Variants in ADCY3 observed in about 807,000 individuals in gnomAD.
ADCY3 encodes the protein adenylate cyclase 3.
Under a neutral mutation model 119.4 loss-of-function variants are expected in ADCY3, and 70 were observed. The ratio of observed to expected loss-of-function variants is 0.59; its 90% confidence interval spans 0.48 to 0.72. ADCY3 has a LOEUF of 0.72. ADCY3 is among the 30% of genes least tolerant of loss of function. The pLI is 0.00. For missense variants in ADCY3, 1,238 were observed against 1,541.6 expected (o/e 0.80, Z 3.30); for synonymous variants, 672 against 621.4 (o/e 1.08, Z -1.21).
intron 3 of ADCY3, among the ~76,000 whole-genome samples, chr2:24,859,277 G>C (rs555781133): frequency 2.6e-5 from 4 of 152,306 alleles, no homozygotes; most frequent in African/African-American, 7.2e-5. Context: ...CAACGAGCAA[G>C]ACGCAGAGCA....
Position 24,918,209 on chromosome 2 carries a change from A to G in ADCY3, c.675+104T>C. 1 of 1,309,628 alleles carries G rather than the reference A, an allele frequency of 7.6e-7. No homozygotes were observed. 81.1% of individuals were successfully genotyped at this position (1,309,628 alleles called of 1,614,324 possible). On this transcript the variant is annotated intron_variant, in intron 2 of 21. Coordinates refer to ENST00000679454, the MANE Select transcript of ADCY3 (RefSeq NM_004036.5). The surrounding 1 kb of genome is among the most constrained non-coding windows in gnomAD (Gnocchi z 5.4). ...GGTGAGAGCCCCGGAGGCCCCCAGG[A>G]CACATTTTGACTCAAAGGCAAAGCA... is the stretch of plus-strand genomic sequence containing the variant.
chr2:24,820,951 AAC>A, intron 20 of ADCY3, 103 bp from the exon 21 acceptor site: 1 of 1,486,148 alleles, frequency 6.7e-7, no homozygotes. Flanking sequence ...CTCCTAATGT[AAC>A]ACATCATTGT....
At chr2:24,885,548 G>A (rs1243767712) in intron 2 of ADCY3, among the ~76,000 whole-genome samples, 1 of 152,158 alleles carries the variant, frequency 6.6e-6, no homozygotes, top group African/African-American at 2.4e-5. Context: ...TGTGCCTCCA[G>A]CAGGTCCTTC....
intron 2 of ADCY3, among the ~76,000 whole-genome samples, chr2:24,875,673 C>A (rs77100173): frequency 0.064 from 9,689 of 152,264 alleles, 421 homozygotes; most frequent in Non-Finnish European, 0.094. Context: ...GGGGAGTCCC[C>A]CTCCCGGCCT....
At chr2:24,838,410 TGGGTGGGGTGGGTG>T (rs747664970) in intron 8 of ADCY3, 21 bp downstream of exon 8, 188 of 464,976 alleles carry the variant, frequency 4.0e-4, no homozygotes, top group South Asian at 1.8e-3. Flanking sequence ...AGGGGTGGGG[TGGGTGGGGTGGGTG>T]GGGTGGGGTG....
At chr2:24,862,963 G>C (rs1410294478) in intron 3 of ADCY3, among the ~76,000 whole-genome samples, 1 of 152,124 alleles carries the variant, frequency 6.6e-6, no homozygotes, top group South Asian at 2.1e-4. Flanking sequence ...CCATAGGAGA[G>C]GGGCAGAGAC....
rs1675211566 is a variant in ADCY3 at position 24,872,929 on chromosome 2, G to C, written c.676-210C>G. Among the ~76,000 whole-genome samples, 1 of 152,200 alleles carries C rather than the reference G, an allele frequency of 6.6e-6. No homozygotes were observed. The highest frequency in any genetic ancestry group is 2.4e-5 in the African/African-American group (1 of 41,448). On this transcript the variant is annotated intron_variant, in intron 2 of 21. Transcript: ENST00000679454. The surrounding 1 kb of genome is among the most constrained non-coding windows in gnomAD (Gnocchi z 4.4). ...CCACGGATGGGTGGTCCACCCAGGGGCATGGCTCAAGGCCTGAAAGGCTCA... is the reference window on the plus strand; with the variant it reads ...CCACGGATGGGTGGTCCACCCAGGGCCATGGCTCAAGGCCTGAAAGGCTCA...
At chr2:24,914,694 G>A (rs1664229943) in intron 2 of ADCY3, among the ~76,000 whole-genome samples, 1 of 146,804 alleles carries the variant, frequency 6.8e-6, no homozygotes, top group African/African-American at 2.6e-5. Flanking sequence ...AAAAAAAAAG[G>A]AATGGGGGAC....
At position 24,899,938 on chromosome 2, in the gene ADCY3, T is replaced by C. The variant is rs1281058593; in HGVS notation, c.675+18375A>G. Among the ~76,000 whole-genome samples the C allele has an allele frequency of 2.6e-5, 4 of 152,116 alleles. No homozygotes were observed. The highest frequency in any genetic ancestry group is 7.2e-5 in the African/African-American group (3 of 41,438). On this transcript the variant is annotated intron_variant, in intron 2 of 21. Transcript: ENST00000679454. This position sits in a 1 kb window ranked among gnomAD's most constrained non-coding sequence, Gnocchi z 4.5. The stretch of plus-strand genomic sequence containing the variant: ...ATTTTCTTACAATAGTGCTTCATAA[T>C]ATAGAAGAAAACTGATATTCGTTTA...
In ADCY3 at chr2:24,828,073, T is replaced by C. The variant is rs1460650172; in HGVS notation, c.2261A>G (p.Tyr754Cys). The C allele has an allele frequency of 9.3e-6, 15 of 1,614,098 alleles. No homozygotes were observed. Among genetic ancestry groups the C allele is most frequent in the African/African-American group, 1.3e-5 (1 of 74,928 alleles). ...EGSCLENPKY[Y>C]NYVAVLSLIA... ...GAGGGACAGCACGGCCACATAGTTGTAATACTTGGGGTTCTCCAGGCAGCT... is the reference window on the plus strand; with the variant it reads ...GAGGGACAGCACGGCCACATAGTTGCAATACTTGGGGTTCTCCAGGCAGCT... Residue 754 changes from tyrosine to cysteine, a missense_variant, in exon 14 of 22, where the codon TAC becomes TGC. By Grantham distance (194) the Tyr-to-Cys change is radical (BLOSUM62 -2). Transcript: ENST00000679454.
intron 3 of ADCY3, among the ~76,000 whole-genome samples, chr2:24,854,132 C>T (rs1037602206): frequency 3.3e-5 from 5 of 152,148 alleles, no homozygotes; most frequent in Non-Finnish European, 5.9e-5. Flanking sequence ...CTGTGACTTT[C>T]GGTAGGGGGT....
chr2:24,882,707 A>G (rs1453498917), intron 2 of ADCY3, among the ~76,000 whole-genome samples: 1 of 152,174 alleles, frequency 6.6e-6, no homozygotes, highest in Non-Finnish European at 1.5e-5. Context: ...CGGACCCCAT[A>G]CTGGGCCCTG....
Position 24,826,106 on chromosome 2 carries a change from T to G in ADCY3, c.2516A>C (p.Lys839Thr). ...GAACACCATCACCGTCATAGAGTAC[T>G]TGGAAGGCACCAGGGGCAGCCTGCT... ...GTDRLPLVPS[K>T]YSMTVMVFLM... is the part of the protein sequence containing the mutation. Residue 839 changes from lysine to threonine, a missense_variant, in exon 16 of 22, where the codon AAG (lysine) becomes ACG (threonine). By Grantham distance (78) the Lys-to-Thr change is moderately conservative. Transcript: ENST00000679454. The G allele has an allele frequency of 6.2e-7, 1 of 1,613,934 alleles. No homozygotes were observed. Among genetic ancestry groups the G allele is most frequent in the Non-Finnish European group, 8.5e-7 (1 of 1,179,950 alleles).
At position 24,872,880 on chromosome 2, in the gene ADCY3, G is replaced by A. The variant is rs1675204279; in HGVS notation, c.676-161C>T. On this transcript the variant is annotated intron_variant, in intron 2 of 21. Transcript: ENST00000679454. This position sits in a 1 kb window ranked among gnomAD's most constrained non-coding sequence, Gnocchi z 4.4. ...GGGCCCAGCACAGCCTTGGACCCCA[G>A]AGCCTCAGACACCACCACATGTACC... 6.6e-6 allele frequency among the ~76,000 whole-genome samples: 1 copy of A among 152,224 alleles called. No individual in the cohort carries two copies. Among genetic ancestry groups the A allele is most frequent in the Non-Finnish European group, 1.5e-5 (1 of 68,040 alleles).
chr2:24,872,701 G>C lies in ADCY3; in HGVS notation c.694C>G (p.Leu232Val). 6.2e-7 allele frequency: 1 copy of C among 1,614,080 alleles called. No homozygotes were observed. Among genetic ancestry groups the C allele is most frequent in the Non-Finnish European group, 8.5e-7 (1 of 1,179,944 alleles). The change falls in exon 3 of 22, where the codon CTC (leucine) becomes GTC (valine). Residue 232 changes from leucine (L) to valine (V), a missense_variant. Leu to Val is a conservative substitution (Grantham distance 32). Coordinates refer to ENST00000679454, the MANE Select transcript of ADCY3 (RefSeq NM_004036.5). This position sits in a 1 kb window ranked among gnomAD's most constrained non-coding sequence, Gnocchi z 4.4. ...CCCACAGCGATGGCGCACAGGTAGAGGAAGACGTTGGCCAGGATCTGCACC... is the reference window on the plus strand; with the variant it reads ...CCCACAGCGATGGCGCACAGGTAGACGAAGACGTTGGCCAGGATCTGCACC... ...LLREILANVFLYLCAIAVGIM... is the reference protein window; with the variant it reads ...LLREILANVFVYLCAIAVGIM...
At position 24,827,917 on chromosome 2, in the gene ADCY3, C is replaced by A; in HGVS notation, c.2417G>T (p.Arg806Leu). ...RPVFDEYDHK[R>L]FREHDLPMVA... ...TTCATCTTACTCGTGCTCCCGAAAA[C>A]GCTTGTGGTCGTATTCATCAAAGAC... The change falls in exon 14 of 22, where the codon CGT becomes CTT. Residue 806 changes from arginine (R) to leucine (L), a missense_variant. Arg to Leu is a moderately radical substitution (Grantham distance 102). Transcript: ENST00000679454. 6.2e-7 allele frequency: 1 copy of A among 1,614,148 alleles called. No homozygotes were observed. Among genetic ancestry groups the A allele is most frequent in the Non-Finnish European group, 8.5e-7 (1 of 1,180,034 alleles).
Position 24,872,214 on chromosome 2 carries a change from C to A in ADCY3, c.825+356G>T, listed in dbSNP as rs992489449. Among the ~76,000 whole-genome samples the A allele has an allele frequency of 6.6e-6, 1 of 152,134 alleles. No individual in the cohort carries two copies. ...ATGCCCCTGACCCTGACCTTGGTCC[C>A]GAGAAGGTCATCTGAGAAAGGAATG... On this transcript the variant is annotated intron_variant, in intron 3 of 21. Transcript: ENST00000679454. This position sits in a 1 kb window ranked among gnomAD's most constrained non-coding sequence, Gnocchi z 4.4.
chr2:24,877,783 C>T, intron 2 of ADCY3: 1 of 429,492 alleles, frequency 2.3e-6, no homozygotes, highest in Non-Finnish European at 4.8e-6. Context: ...CACCATCTGA[C>T]CACCAGACAG....
At chr2:24,845,695 T>C (rs1434765946) in intron 3 of ADCY3, among the ~76,000 whole-genome samples, 2 of 152,334 alleles carry the variant, frequency 1.3e-5, no homozygotes, top group East Asian at 1.9e-4. Flanking sequence ...CAGAAATTTG[T>C]GTAAGTAATG....
Sources: gnomAD v4.1 joint callset for allele counts (sites outside exome capture counted in the v4.1 genomes callset) on GRCh38, gnomAD v4.1.1 for gene constraint, Gnocchi (gnomAD v3.1) non-coding constraint, MANE v1.5 for transcripts, NCBI Gene and HGNC (gene_info 2026-07-23, HGNC 2026-07-21) for gene names.